GRIA4: variants seen among roughly 807,000 people sequenced by gnomAD.
The protein encoded by GRIA4 is glutamate receptor 4.
In GRIA4, 34 loss-of-function variants were observed where a neutral mutation model predicts 104.0. That is an observed-to-expected ratio of 0.33 (90% confidence interval 0.25 to 0.44). The LOEUF (loss-of-function observed/expected upper bound fraction) is 0.44. Ranked by LOEUF, GRIA4 falls within the 20% of genes least tolerant of loss-of-function variation. The pLI is 1.00. For synonymous variants in GRIA4, 386 were observed against 381.9 expected, an observed-to-expected ratio of 1.01 and a Z score of -0.13; for missense variants, 750 against 1,096.5, an observed-to-expected ratio of 0.68 and a Z score of 4.46.
At chr11:105,639,885 C>T (rs1039249959) in intron 3 of GRIA4, among the ~76,000 whole-genome samples, 1 of 151,864 alleles carries the variant, frequency 6.6e-6, no homozygotes, top group South Asian at 2.1e-4. Context: ...CTTTTCACAG[C>T]CCCTTTTACA....
intron 4 of GRIA4, among the ~76,000 whole-genome samples, chr11:105,792,782 C>G (rs1427925191): frequency 6.6e-6 from 1 of 152,024 alleles, no homozygotes; most frequent in Non-Finnish European, 1.5e-5. Context: ...AATAATTTAA[C>G]AAATTTAAGA....
chr11:105,731,469 G>A lies in GRIA4; in HGVS notation c.248-21512G>A, dbSNP rs113915552. 1.6e-3 allele frequency among the ~76,000 whole-genome samples: 236 copies of A among 152,244 alleles called. 1 individual carries two copies. The highest frequency in any genetic ancestry group is 5.3e-3 in the African/African-American group (221 of 41,546). On this transcript the variant is annotated intron_variant, in intron 3 of 16. Transcript: ENST00000282499. ...CAACCATTGTGGAAGGCAGTGTGGC[G>A]ATTCCTCAAGGAACTAGAACTACAA...
intron 4 of GRIA4, among the ~76,000 whole-genome samples, chr11:105,772,487 T>G (rs565300286): frequency 6.6e-6 from 1 of 152,110 alleles, no homozygotes; most frequent in Non-Finnish European, 1.5e-5. Flanking sequence ...CTGATAACAT[T>G]TTTTCTCTTT....
rs1945247571 is a variant in GRIA4 at position 105,862,116 on chromosome 11, T to C, written c.580T>C (p.Tyr194His). The C allele has an allele frequency of 6.2e-7, 1 of 1,608,402 alleles. No homozygotes were observed. Among genetic ancestry groups the C allele is most frequent in the East Asian group, 2.2e-5 (1 of 44,806 alleles). The change falls in exon 5 of 17, where the codon TAT (tyrosine) becomes CAT (histidine). Residue 194 changes from tyrosine (Y) to histidine (H), a missense_variant. Physicochemically the swap from Tyr to His is moderately conservative, Grantham distance 83. Around this residue, in one of 3 missense-constraint regions of GRIA4, gnomAD observed 410 missense variants for 502.7 expected, o/e 0.82. Transcript: ENST00000282499. ...TGTGGAAAATTTTAATGATGTCAGC[T>C]ATAGGCAACTTCTAGAAGAACTTGA... ...ICVENFNDVS[Y>H]RQLLEELDRR... is the part of the protein sequence containing the mutation.
At chr11:105,647,107 GAAAT>G (rs1205808604) in intron 3 of GRIA4, among the ~76,000 whole-genome samples, 2 of 151,828 alleles carry the variant, frequency 1.3e-5, no homozygotes, top group Non-Finnish European at 2.9e-5. Flanking sequence ...TTACAAGAAA[GAAAT>G]AAACCCATTA....
At chr11:105,783,122 T>C (rs1277522626) in intron 4 of GRIA4, among the ~76,000 whole-genome samples, 1 of 152,190 alleles carries the variant, frequency 6.6e-6, no homozygotes, top group Non-Finnish European at 1.5e-5. Flanking sequence ...AATAATTCTG[T>C]GCTACCCTGG....
intron 6 of GRIA4, among the ~76,000 whole-genome samples, chr11:105,888,496 C>T (rs1315342995): frequency 2.0e-5 from 3 of 151,392 alleles, no homozygotes; most frequent in African/African-American, 4.9e-5. Context: ...CCGTTTTAGC[C>T]GGGATGGTCT....
Position 105,918,817 on chromosome 11 carries a change from G to A in GRIA4, c.1375G>A (p.Gly459Ser). The change falls in exon 11 of 17, where the codon GGT becomes AGT. Residue 459 changes from glycine (G) to serine (S), a missense_variant. Physicochemically the swap from Gly to Ser is moderately conservative, Grantham distance 56. Around this residue, in one of 3 missense-constraint regions of GRIA4, gnomAD observed 272 missense variants for 524.5 expected, o/e 0.52. Transcript: ENST00000282499. ...GGCATCTGAAATTGCAAAACATATT[G>A]GTATCAAGTATAAAATTGCCATTGT... ...DLASEIAKHI[G>S]IKYKIAIVPD... 1 of 1,600,194 alleles carries A rather than the reference G, an allele frequency of 6.2e-7. No homozygotes were observed. Among genetic ancestry groups the A allele is most frequent in the Non-Finnish European group, 8.6e-7 (1 of 1,167,772 alleles).
At chr11:105,849,484 C>T (rs964975385) in intron 4 of GRIA4, among the ~76,000 whole-genome samples, 5 of 152,108 alleles carry the variant, frequency 3.3e-5, no homozygotes, top group Non-Finnish European at 5.9e-5. Context: ...ACAAGTTTGC[C>T]TTTTGTAAAA....
intron 4 of GRIA4, among the ~76,000 whole-genome samples, chr11:105,816,440 C>T (rs954015097): frequency 1.3e-5 from 2 of 152,032 alleles, no homozygotes; most frequent in African/African-American, 4.8e-5. Flanking sequence ...GTGTGTACTA[C>T]CTCACCCCTC....
intron 14 of GRIA4, among the ~76,000 whole-genome samples, chr11:105,963,284 C>A (rs1948786019): frequency 6.6e-6 from 1 of 152,024 alleles, no homozygotes; most frequent in South Asian, 2.1e-4. Flanking sequence ...GTGATTCATT[C>A]TATAAAATAG....
At chr11:105,959,154 C>T (rs759200793) in intron 14 of GRIA4, among the ~76,000 whole-genome samples, 2 of 152,138 alleles carry the variant, frequency 1.3e-5, no homozygotes, top group African/African-American at 2.4e-5. Flanking sequence ...TGAATGTTGG[C>T]TTGTCTTGCT....
At position 105,707,064 on chromosome 11, in the gene GRIA4, G is replaced by A. The variant is rs72981085; in HGVS notation, c.248-45917G>A. 1,243 of 152,432 alleles carry A rather than the reference G, an allele frequency of 8.2e-3. 6 individuals are homozygous for A. The highest frequency in any genetic ancestry group is 0.013 in the Admixed American group (206 of 15,288). The allele number at this position is 152,432 out of a possible 1,614,324, so 9.4% of individuals were successfully genotyped here. On this transcript the variant is annotated intron_variant, in intron 3 of 16. Transcript: ENST00000282499. ...CAGAAAGCCCTTGGTAATAATTACT[G>A]AAGATGATTATGGAGAAGCTCTAAG...
chr11:105,865,362 A>C (rs553553969), intron 5 of GRIA4, among the ~76,000 whole-genome samples: 1 of 152,298 alleles, frequency 6.6e-6, no homozygotes, highest in South Asian at 2.1e-4. Flanking sequence ...AATTTGGTCC[A>C]CTCATTTGCA....
intron 2 of GRIA4, 33 bp downstream of exon 2, chr11:105,611,118 C>G (rs758180430): frequency 6.8e-7 from 1 of 1,464,920 alleles, no homozygotes; most frequent in South Asian, 1.1e-5. Flanking sequence ...GTGCATGTGG[C>G]TGGTTGTAGC....
At chr11:105,680,453 A>T (rs1397513659) in intron 3 of GRIA4, among the ~76,000 whole-genome samples, 1 of 152,140 alleles carries the variant, frequency 6.6e-6, no homozygotes, top group Admixed American at 6.5e-5. Context: ...CTTCAAAAAA[A>T]GGTCATTTCT....
chr11:105,801,645 T>G (rs2135838634), intron 4 of GRIA4, among the ~76,000 whole-genome samples: 1 of 152,184 alleles, frequency 6.6e-6, no homozygotes, highest in East Asian at 1.9e-4. Flanking sequence ...CACTACCATT[T>G]ACTACCATTT....
intron 3 of GRIA4, among the ~76,000 whole-genome samples, chr11:105,666,571 G>T (rs1952172131): frequency 6.6e-6 from 1 of 151,698 alleles, no homozygotes; most frequent in African/African-American, 2.4e-5. Context: ...CTTAGTAAAT[G>T]ATTATTATAT....
At chr11:105,710,348 C>A (rs1206587746) in intron 3 of GRIA4, among the ~76,000 whole-genome samples, 1 of 152,030 alleles carries the variant, frequency 6.6e-6, no homozygotes, top group Non-Finnish European at 1.5e-5. Context: ...GTAATGGCCT[C>A]AGGTATGTCA....
Sources: gnomAD v4.1 joint callset for allele counts (sites outside exome capture counted in the v4.1 genomes callset) on GRCh38, gnomAD v4.1.1 for gene constraint, gnomAD v4.1.1 regional missense constraint, MANE v1.5 for transcripts, NCBI Gene and HGNC (gene_info 2026-07-23, HGNC 2026-07-21) for gene names.